SPMIP8: variants seen among roughly 807,000 people sequenced by gnomAD.
SPMIP8 encodes sperm microtubule inner protein 8.
chr16:57,982,786 T>C, the SPMIP8 span, among the ~76,000 whole-genome samples: 1 of 152,142 alleles, frequency 6.6e-6, no homozygotes, highest in Non-Finnish European at 1.5e-5. Flanking sequence ...TCCCAGCACT[T>C]TGGGAGGCTG....
chr16:57,984,888 G>T, the SPMIP8 span: 1 of 1,476,192 alleles, frequency 6.8e-7, no homozygotes, highest in Non-Finnish European at 9.0e-7. Flanking sequence ...ACTGCGGACG[G>T]GAACGCAGGC....
the SPMIP8 span, chr16:57,986,104 A>G: frequency 3.7e-6 from 3 of 817,866 alleles, no homozygotes; most frequent in South Asian, 4.9e-5. Context: ...CTCTGGAGAG[A>G]TCCGCCCCTG....
At chr16:57,984,763 T>G in the SPMIP8 span, 1 of 1,608,408 alleles carries the variant, frequency 6.2e-7, no homozygotes, top group South Asian at 1.1e-5. Context: ...TGGTCCCACT[T>G]CGTGTCCTCG....
the SPMIP8 span, among the ~76,000 whole-genome samples, chr16:57,980,363 T>C: frequency 6.6e-6 from 1 of 152,240 alleles, no homozygotes; most frequent in African/African-American, 2.4e-5. Context: ...GGTGGAGACT[T>C]AACCTTTAAA....
the SPMIP8 span, chr16:57,985,266 G>A: frequency 1.3e-6 from 2 of 1,559,596 alleles, no homozygotes; most frequent in Non-Finnish European, 8.7e-7. Flanking sequence ...CAGACCTGGC[G>A]GGTAGGGAGC....
chr16:57,987,619 G>A, the SPMIP8 span: 1 of 550,758 alleles, frequency 1.8e-6, no homozygotes, highest in Non-Finnish European at 2.9e-6. Flanking sequence ...GAGAGGGTCA[G>A]GGCCACAGGA....
At chr16:57,984,150 C>T in the SPMIP8 span, among the ~76,000 whole-genome samples, 213 of 152,198 alleles carry the variant, frequency 1.4e-3, no homozygotes, top group African/African-American at 4.8e-3. Flanking sequence ...GTGATCCACC[C>T]GCCTCGGCCT....
At chr16:57,985,609 C>A in the SPMIP8 span, 1 of 1,517,498 alleles carries the variant, frequency 6.6e-7, no homozygotes, top group Non-Finnish European at 8.8e-7. Flanking sequence ...GTCTGGGCCG[C>A]TTTCCTAGCG....
the SPMIP8 span, chr16:57,978,012 T>G: frequency 6.2e-7 from 1 of 1,614,052 alleles, no homozygotes; most frequent in South Asian, 1.1e-5. Flanking sequence ...TGATGAGCAC[T>G]GCCAGTCCAC....
the SPMIP8 span, among the ~76,000 whole-genome samples, chr16:57,981,383 A>AATAATAATAATAATAATTATT: frequency 7.6e-5 from 4 of 52,708 alleles, no homozygotes; most frequent in Non-Finnish European, 2.2e-4. Flanking sequence ...CCGTCTCAAT[A>AATAATAATAATAATAATTATT]ATAATAATAA....
the SPMIP8 span, among the ~76,000 whole-genome samples, chr16:57,983,119 GTTAAT>G: frequency 2.0e-5 from 3 of 152,114 alleles, no homozygotes; most frequent in Non-Finnish European, 1.5e-5. Flanking sequence ...TCCTCAACTT[GTTAAT>G]TTATTTATTA....
the SPMIP8 span, among the ~76,000 whole-genome samples, chr16:57,981,786 G>A: frequency 6.6e-6 from 1 of 151,982 alleles, no homozygotes; most frequent in African/African-American, 2.4e-5. Flanking sequence ...GATTACAGGC[G>A]TAGCCACCGC....
At chr16:57,984,441 C>G in the SPMIP8 span, 30 of 1,578,054 alleles carry the variant, frequency 1.9e-5, no homozygotes, top group African/African-American at 2.7e-5. Flanking sequence ...GGATCTACAC[C>G]CCGCGCACCT....
the SPMIP8 span, chr16:57,986,005 C>G: frequency 2.6e-6 from 4 of 1,531,750 alleles, no homozygotes; most frequent in Non-Finnish European, 3.5e-6. Context: ...CTGGGGACAG[C>G]CTCGGGGCTC....
At chr16:57,981,572 C>T in the SPMIP8 span, among the ~76,000 whole-genome samples, 85 of 119,150 alleles carry the variant, frequency 7.1e-4, no homozygotes, top group South Asian at 8.7e-3. Flanking sequence ...AGTGCAGTGG[C>T]GCTATCTCGG....
the SPMIP8 span, chr16:57,985,391 C>T: frequency 3.7e-6 from 6 of 1,606,902 alleles, no homozygotes; most frequent in Middle Eastern, 1.7e-4. Flanking sequence ...TTCAGGACCA[C>T]GGTCTCTAGC....
chr16:57,983,147 C>T, the SPMIP8 span, among the ~76,000 whole-genome samples: 4 of 152,136 alleles, frequency 2.6e-5, no homozygotes, highest in African/African-American at 9.7e-5. Flanking sequence ...AACAAGGTCT[C>T]GCTATGCCAC....
the SPMIP8 span, chr16:57,984,739 G>A: frequency 8.7e-6 from 14 of 1,605,684 alleles, no homozygotes; most frequent in East Asian, 3.1e-4. Flanking sequence ...TGCTTCACGC[G>A]CGCCATCGAG....
the SPMIP8 span, chr16:57,977,851 A>G: frequency 6.2e-7 from 1 of 1,614,056 alleles, no homozygotes; most frequent in Non-Finnish European, 8.5e-7. Flanking sequence ...CCCTGGGACG[A>G]TGGCTCCACA....
Sources: gnomAD v4.1 joint callset for allele counts (sites outside exome capture counted in the v4.1 genomes callset) on GRCh38, gnomAD v4.1.1 for gene constraint, MANE v1.5 for transcripts, NCBI Gene and HGNC (gene_info 2026-07-23, HGNC 2026-07-21) for gene names.